Variants in TMC1 observed in about 807,000 individuals in gnomAD.
The protein encoded by TMC1 is transmembrane channel-like protein 1.
A neutral mutation model predicts 105.8 loss-of-function variants in TMC1; 84 were observed. The observed-to-expected ratio is 0.79, with a 90% CI of 0.67 to 0.95. The LOEUF is 0.95. TMC1 is among the 40% of genes least tolerant of loss of function. The probability of loss-of-function intolerance (pLI) is 0.00; values close to 1 mark genes in which losing one functional copy is unlikely to be tolerated. For synonymous variants in TMC1, 315 were observed against 311.5 expected, an observed-to-expected ratio of 1.01 and a Z score of -0.12; for missense variants, 817 against 914.1, an observed-to-expected ratio of 0.89 and a Z score of 1.37.
chr9:72,776,699 T>C (rs1323108065), intron 13 of TMC1, among the ~76,000 whole-genome samples: 1 of 152,198 alleles, frequency 6.6e-6, no homozygotes, highest in African/African-American at 2.4e-5. Context: ...CCATTAGTTA[T>C]TCCTATTGGA....
intron 7 of TMC1, among the ~76,000 whole-genome samples, chr9:72,700,260 AAAAAG>A (rs989057815): frequency 3.3e-5 from 5 of 151,752 alleles, no homozygotes; most frequent in African/African-American, 9.7e-5. Flanking sequence ...TCAAAAAAAA[AAAAAG>A]AAAAGAAAAG....
At chr9:72,590,615 CAT>C (rs1169378869) in intron 2 of TMC1, among the ~76,000 whole-genome samples, 1 of 152,212 alleles carries the variant, frequency 6.6e-6, no homozygotes, top group Non-Finnish European at 1.5e-5. Context: ...TCATTCAACA[CAT>C]ATTCGTTGGG....
chr9:72,833,217 T>C (rs1035090280), intron 23 of TMC1, among the ~76,000 whole-genome samples: 1 of 152,360 alleles, frequency 6.6e-6, no homozygotes, highest in East Asian at 1.9e-4. Context: ...CTAAGCCAAG[T>C]AGTAAACTAT....
At position 72,523,305 on chromosome 9, in the gene TMC1, T is replaced by C. The variant is rs560151598; in HGVS notation, c.-428+1392T>C. ...AGTGAGGAGTAATAGGGAATTATAG[T>C]TGACCTTGAACAACTTGGGGTTTAG... On this transcript the variant is annotated intron_variant, in intron 1 of 23. Coordinates refer to ENST00000297784, the MANE Select transcript of TMC1 (RefSeq NM_138691.3). Among the ~76,000 whole-genome samples the C allele has an allele frequency of 1.2e-3, 186 of 152,224 alleles. 1 individual carries two copies. The highest frequency in any genetic ancestry group is 4.3e-3 in the African/African-American group (180 of 41,528).
At chr9:72,524,318 T>G (rs942532742) in intron 1 of TMC1, among the ~76,000 whole-genome samples, 1 of 152,210 alleles carries the variant, frequency 6.6e-6, no homozygotes, top group African/African-American at 2.4e-5. Context: ...AATATTGTCA[T>G]CAATTTATCT....
chr9:72,521,810 T>C lies in TMC1; in HGVS notation c.-531T>C, dbSNP rs548405474. 3.3e-5 allele frequency: 5 copies of C among 152,036 alleles called. No individual in the cohort carries two copies. The East Asian group carries it at 9.7e-4, about 29-fold the overall frequency. The allele number at this position is 152,036 out of a possible 1,614,324, so 9.4% of individuals were successfully genotyped here. On this transcript the variant is annotated 5_prime_UTR_variant, in exon 1 of 24. It removes an upstream start codon present in the reference 5' UTR. Coordinates refer to ENST00000297784, the MANE Select transcript of TMC1 (RefSeq NM_138691.3). ...CGAAGACCTACTGCCTCAGAAACTA[T>C]GAGGGCAGAACCCAGCAATCTGTGC...
intron 13 of TMC1, among the ~76,000 whole-genome samples, chr9:72,784,447 C>T (rs1366164347): frequency 6.6e-6 from 1 of 152,144 alleles, no homozygotes; most frequent in East Asian, 1.9e-4. Flanking sequence ...AAAACAGATG[C>T]TGGCATGACT....
chr9:72,727,952 A>T (rs1827150106), intron 8 of TMC1, among the ~76,000 whole-genome samples: 1 of 152,164 alleles, frequency 6.6e-6, no homozygotes, highest in African/African-American at 2.4e-5. Flanking sequence ...AGTTACCATT[A>T]TAAAATGCTT....
chr9:72,683,782 ATATT>A (rs1236444935), intron 5 of TMC1, among the ~76,000 whole-genome samples: 7 of 74,770 alleles, frequency 9.4e-5, no homozygotes, highest in African/African-American at 2.2e-4. Context: ...TATGTTAAAA[ATATT>A]TATTTGTCAT....
In TMC1 at chr9:72,800,592, A is replaced by G. The variant is rs141809069; in HGVS notation, c.1567-4790A>G. Among the ~76,000 whole-genome samples, 32 of 151,870 alleles carry G rather than the reference A, an allele frequency of 2.1e-4. No individual in the cohort carries two copies. In the East Asian group the frequency reaches 6.0e-3, roughly 28 times the overall value. The stretch of plus-strand genomic sequence containing the variant: ...CACATACTGACTTAAAAGAGAAGAA[A>G]TACCATTTAGTTAATCCTCCACCTT... On this transcript the variant is annotated intron_variant, in intron 17 of 23. Coordinates refer to ENST00000297784, the MANE Select transcript of TMC1 (RefSeq NM_138691.3).
At chr9:72,815,748 T>A (rs1466883024) in intron 18 of TMC1, among the ~76,000 whole-genome samples, 1 of 152,232 alleles carries the variant, frequency 6.6e-6, no homozygotes, top group East Asian at 1.9e-4. Context: ...TTAAAGTTTA[T>A]CATCACATCA....
At chr9:72,831,766 C>A (rs1324078481) in intron 23 of TMC1, among the ~76,000 whole-genome samples, 2 of 151,950 alleles carry the variant, frequency 1.3e-5, no homozygotes, top group Non-Finnish European at 2.9e-5. Context: ...AGGACATGAA[C>A]TCATCATTTT....
rs538577338 is a variant in TMC1 at position 72,634,192 on chromosome 9, G to A, written c.-53+6129G>A. On this transcript the variant is annotated intron_variant, in intron 4 of 23. Coordinates refer to ENST00000297784, the MANE Select transcript of TMC1 (RefSeq NM_138691.3). ...TCAGTTTCTGGGTGGAAGTTTCTGC[G>A]TGGGAGTCAATTTCTTGGCATGAGT... is the stretch of plus-strand genomic sequence containing the variant. 6.6e-5 allele frequency among the ~76,000 whole-genome samples: 10 copies of A among 152,246 alleles called. No homozygotes were observed. The South Asian group carries it at 8.3e-4, about 13-fold the overall frequency.
chr9:72,625,722 G>A (rs1825336618), intron 3 of TMC1, among the ~76,000 whole-genome samples: 1 of 151,840 alleles, frequency 6.6e-6, no homozygotes, highest in African/African-American at 2.4e-5. Context: ...AAGGAATCAG[G>A]GGTTTGGTCT....
chr9:72,786,954 A>C (rs1828177478), intron 13 of TMC1, among the ~76,000 whole-genome samples: 1 of 152,056 alleles, frequency 6.6e-6, no homozygotes, highest in Admixed American at 6.6e-5. Context: ...ATATTAATCA[A>C]ATAAGTCATT....
chr9:72,661,104 A>G (rs1428473795), intron 5 of TMC1, among the ~76,000 whole-genome samples: 1 of 151,672 alleles, frequency 6.6e-6, no homozygotes, highest in Non-Finnish European at 1.5e-5. Context: ...GTGAGCCAAG[A>G]TCACGCCACC....
chr9:72,745,118 A>G (rs1166971773), intron 10 of TMC1, among the ~76,000 whole-genome samples: 1 of 152,168 alleles, frequency 6.6e-6, no homozygotes, highest in Non-Finnish European at 1.5e-5. Context: ...ACTGTGAAGA[A>G]CTGAGCTTTA....
intron 5 of TMC1, among the ~76,000 whole-genome samples, chr9:72,685,170 T>A (rs751739974): frequency 2.3e-4 from 33 of 141,912 alleles, no homozygotes; most frequent in Admixed American, 4.4e-4. Context: ...GCAGTGGCGC[T>A]ATCTCAGCTC....
At chr9:72,803,729 A>T (rs778197930) in intron 17 of TMC1, among the ~76,000 whole-genome samples, 1 of 152,198 alleles carries the variant, frequency 6.6e-6, no homozygotes, top group Non-Finnish European at 1.5e-5. Context: ...AAGTCAGGAA[A>T]CAACAGATGC....
Sources: gnomAD v4.1 joint callset for allele counts (sites outside exome capture counted in the v4.1 genomes callset) on GRCh38, gnomAD v4.1.1 for gene constraint, MANE v1.5 for transcripts, NCBI Gene and HGNC (gene_info 2026-07-23, HGNC 2026-07-21) for gene names.